The following ACSBG1 variants were observed in gnomAD, a reference collection of about 807,000 sequenced individuals.
ACSBG1 encodes long-chain-fatty-acid--CoA ligase ACSBG1.
Under a neutral mutation model 80.2 loss-of-function variants are expected in ACSBG1, and 39 were observed. That is an observed-to-expected ratio of 0.49 (90% CI 0.38 to 0.64). The LOEUF (loss-of-function observed/expected upper bound fraction) is 0.64, where lower values mean the gene tolerates loss of function less well. Ranked by LOEUF, ACSBG1 falls within the 30% of genes least tolerant of loss-of-function variation. The pLI is 0.00. For missense variants in ACSBG1, 828 were observed against 966.4 expected (o/e 0.86, Z 1.90); for synonymous variants, 392 against 379.5 (o/e 1.03, Z -0.38).
chr15:78,184,296 G>C (rs1018271062), intron 5 of ACSBG1, among the ~76,000 whole-genome samples: 9 of 151,956 alleles, frequency 5.9e-5, no homozygotes, highest in Non-Finnish European at 1.2e-4. Context: ...TCAGCCTCCC[G>C]AGTAGCTGGG....
chr15:78,193,552 T>A lies in ACSBG1; in HGVS notation c.617A>T (p.Asn206Ile). Residue 206 changes from asparagine (N) to isoleucine (I), a missense_variant, in exon 5 of 14, where the codon AAT (asparagine) becomes ATT (isoleucine). Physicochemically the swap from Asn to Ile is moderately radical, Grantham distance 149 (BLOSUM62 -3). Around this residue, in one of 3 missense-constraint regions of ACSBG1, gnomAD observed 356 missense variants for 363.5 expected, o/e 0.98. Coordinates refer to ENST00000258873, the MANE Select transcript of ACSBG1 (RefSeq NM_015162.5). The part of the protein sequence containing the change: ...CQYIAYDCCA[N>I]VIMVDTQKQL... ...CTTCTGCGTGTCGACCATGATGACA[T>A]TGGCGCAGCAGTCATAAGCGATGTA... 1.9e-6 allele frequency: 3 copies of A among 1,613,524 alleles called. No individual in the cohort carries two copies. The highest frequency in any genetic ancestry group is 2.5e-6 in the Non-Finnish European group (3 of 1,179,660).
chr15:78,189,765 A>T (rs1194240077), intron 5 of ACSBG1, among the ~76,000 whole-genome samples: 2 of 152,102 alleles, frequency 1.3e-5, no homozygotes, highest in Non-Finnish European at 2.9e-5. Context: ...TGGCACATGT[A>T]TACATATGTA....
intron 5 of ACSBG1, among the ~76,000 whole-genome samples, chr15:78,185,097 T>C (rs1158179966): frequency 1.3e-5 from 2 of 150,558 alleles, no homozygotes; most frequent in African/African-American, 2.5e-5. Context: ...CAGAACCCAG[T>C]TGTCTTACTG....
At chr15:78,195,364 C>T (rs943672832) in intron 2 of ACSBG1, among the ~76,000 whole-genome samples, 40 of 152,154 alleles carry the variant, frequency 2.6e-4, no homozygotes, top group Admixed American at 6.5e-5. Flanking sequence ...AGTCATTTAT[C>T]GAAGATCACA....
At chr15:78,197,307 C>A (rs1317369647) in intron 2 of ACSBG1, among the ~76,000 whole-genome samples, 3 of 152,038 alleles carry the variant, frequency 2.0e-5, no homozygotes, top group Admixed American at 6.6e-5. Context: ...AATGTCCCAA[C>A]ATTGGATTGT....
chr15:78,210,523 C>T (rs970593691), intron 1 of ACSBG1, among the ~76,000 whole-genome samples: 5 of 152,236 alleles, frequency 3.3e-5, no homozygotes, highest in Non-Finnish European at 7.3e-5. Context: ...AGTGAAACTG[C>T]TCGGGCCATC....
intron 1 of ACSBG1, among the ~76,000 whole-genome samples, chr15:78,214,869 G>C (rs990069836): frequency 6.6e-6 from 1 of 152,188 alleles, no homozygotes; most frequent in Admixed American, 6.5e-5. Flanking sequence ...GTAGGTCAAT[G>C]CCAGCACTCT....
Position 78,193,954 on chromosome 15 carries a change from C to T in ACSBG1, c.520G>A (p.Ala174Thr). Residue 174 changes from alanine (A) to threonine (T), a missense_variant, in exon 4 of 14, where the codon GCA (alanine) becomes ACA (threonine). Coordinates refer to ENST00000258873, the MANE Select transcript of ACSBG1 (RefSeq NM_015162.5). The part of the protein sequence containing the change: ...GFNSPEWFFS[A>T]VGTVFAGGIV... ...CACCCTGCAAATACTGTGCCCACTG[C>T]CGAGAAGAACCACTCCGGGGAGTTG... 15 of 1,614,062 alleles carry T rather than the reference C, an allele frequency of 9.3e-6. No homozygotes were observed. Among genetic ancestry groups the T allele is most frequent in the East Asian group, 2.2e-5 (1 of 44,872 alleles).
intron 8 of ACSBG1, 51 bp from the exon 9 acceptor site, chr15:78,180,987 C>T (rs776682887): frequency 6.3e-7 from 1 of 1,584,368 alleles, no homozygotes. Flanking sequence ...ATCTGGGGCC[C>T]AGGGGTCCCC....
chr15:78,226,468 T>C (rs1567101298), intron 1 of ACSBG1: 1 of 152,782 alleles, frequency 6.5e-6, no homozygotes, highest in Non-Finnish European at 1.5e-5. Context: ...ATTTCAAGAT[T>C]TAGTATAAGG....
At chr15:78,221,861 TA>T (rs2075362292) in intron 1 of ACSBG1, among the ~76,000 whole-genome samples, 1 of 152,210 alleles carries the variant, frequency 6.6e-6, no homozygotes, top group South Asian at 2.1e-4. Flanking sequence ...CTAAATCCCT[TA>T]AACCTTGATT....
At chr15:78,187,045 C>G (rs1029280766) in intron 5 of ACSBG1, among the ~76,000 whole-genome samples, 1 of 152,164 alleles carries the variant, frequency 6.6e-6, no homozygotes, top group East Asian at 1.9e-4. Flanking sequence ...ACTACAAACA[C>G]CTCTACTCAA....
intron 11 of ACSBG1, among the ~76,000 whole-genome samples, chr15:78,175,519 G>A (rs1171122642): frequency 6.6e-6 from 1 of 152,208 alleles, no homozygotes; most frequent in Non-Finnish European, 1.5e-5. Context: ...AAACATGAAC[G>A]GGAGTTGGCA....
chr15:78,209,329 C>A (rs555138136), intron 1 of ACSBG1: 5 of 445,508 alleles, frequency 1.1e-5, no homozygotes, highest in Non-Finnish European at 2.3e-5. Context: ...ACTGGGGAAC[C>A]AAGGTGGCGC....
At chr15:78,221,965 A>C (rs1595904174) in intron 1 of ACSBG1, among the ~76,000 whole-genome samples, 1 of 152,202 alleles carries the variant, frequency 6.6e-6, no homozygotes, top group South Asian at 2.1e-4. Context: ...CTTTGTACAG[A>C]TCAAAATGGA....
At chr15:78,173,968 T>G in intron 12 of ACSBG1, 129 bp from the exon 13 acceptor site, 2 of 1,120,846 alleles carry the variant, frequency 1.8e-6, no homozygotes, top group Non-Finnish European at 2.5e-6. Flanking sequence ...GAGACGGTTC[T>G]AGAATGAGTA....
chr15:78,182,582 G>A lies in ACSBG1; in HGVS notation c.778C>T (p.Pro260Ser), dbSNP rs537393753. ...EEFMELGNEV[P>S]EEALDAIIDT... ...ATGATGGCGTCCAGGGCTTCCTCAGGCACTTCATTCCCCAGCTCCATGAAT... is the reference window on the plus strand; with the variant it reads ...ATGATGGCGTCCAGGGCTTCCTCAGACACTTCATTCCCCAGCTCCATGAAT... Residue 260 changes from proline to serine, a missense_variant, in exon 7 of 14, where the codon CCT becomes TCT. Pro to Ser is a moderately conservative substitution (Grantham distance 74). This residue lies in a region of ACSBG1 where 356 missense variants were observed against 363.5 expected (regional missense o/e 0.98). Coordinates refer to ENST00000258873, the MANE Select transcript of ACSBG1 (RefSeq NM_015162.5). The A allele has an allele frequency of 3.1e-6, 5 of 1,614,064 alleles. No homozygotes were observed. The highest frequency in any genetic ancestry group is 2.7e-5 in the African/African-American group (2 of 75,024).
intron 1 of ACSBG1, among the ~76,000 whole-genome samples, chr15:78,232,991 T>C (rs1466209101): frequency 1.3e-5 from 2 of 152,240 alleles, no homozygotes; most frequent in African/African-American, 4.8e-5. Context: ...TCTGGACATA[T>C]TTCGATGTGC....
chr15:78,215,783 A>AAAGAAAGG (rs1567096471), intron 1 of ACSBG1, among the ~76,000 whole-genome samples: 6 of 149,496 alleles, frequency 4.0e-5, no homozygotes, highest in Admixed American at 1.3e-4. Context: ...AGAAAGAAAG[A>AAAGAAAGG]AAGAGAAAGA....
Sources: gnomAD v4.1 joint callset for allele counts (sites outside exome capture counted in the v4.1 genomes callset) on GRCh38, gnomAD v4.1.1 for gene constraint, gnomAD v4.1.1 regional missense constraint, MANE v1.5 for transcripts, NCBI Gene and HGNC (gene_info 2026-07-23, HGNC 2026-07-21) for gene names.